The following FANCD2 variants were observed in gnomAD, a reference collection of about 807,000 sequenced individuals.
The protein encoded by FANCD2 is Fanconi anemia group D2 protein.
FANCD2 carries 131 observed loss-of-function variants against 192.3 expected under a neutral mutation model. The observed-to-expected ratio is 0.68, with a 90% CI of 0.59 to 0.79. The LOEUF is 0.79. FANCD2 is among the 30% of genes least tolerant of loss of function. The probability of loss-of-function intolerance (pLI) is 0.00; values close to 1 mark genes in which losing one functional copy is unlikely to be tolerated. For missense variants in FANCD2, 1,508 were observed against 1,701.6 expected, an observed-to-expected ratio of 0.89 and a Z score of 2.00; for synonymous variants, 524 against 612.5, an observed-to-expected ratio of 0.86 and a Z score of 2.13.
intron 34 of FANCD2, among the ~76,000 whole-genome samples, 155 bp downstream of exon 34, chr3:10,087,419 C>T (rs974402700): frequency 6.6e-6 from 1 of 151,282 alleles, no homozygotes; most frequent in Admixed American, 6.6e-5. Flanking sequence ...GTCATTTTCC[C>T]AGAACAACCT....
chr3:10,031,929 C>T (rs975763764), intron 2 of FANCD2, among the ~76,000 whole-genome samples: 1 of 152,168 alleles, frequency 6.6e-6, no homozygotes, highest in Admixed American at 6.5e-5. Context: ...TCACTGCAAC[C>T]TCTGCCTCCC....
At chr3:10,066,341 A>C (rs2125037755) in intron 25 of FANCD2, among the ~76,000 whole-genome samples, 1 of 152,308 alleles carries the variant, frequency 6.6e-6, no homozygotes, top group South Asian at 2.1e-4. Flanking sequence ...GTTTGGTGAT[A>C]ATGACAATGA....
intron 38 of FANCD2, among the ~76,000 whole-genome samples, chr3:10,092,960 G>A (rs1214790586): frequency 3.9e-5 from 6 of 151,980 alleles, no homozygotes; most frequent in African/African-American, 1.2e-4. Flanking sequence ...CCAAAATGCT[G>A]GGATATCAGG....
intron 26 of FANCD2, among the ~76,000 whole-genome samples, chr3:10,068,061 C>G (rs2087769680): frequency 6.6e-6 from 1 of 152,100 alleles, no homozygotes; most frequent in Non-Finnish European, 1.5e-5. Flanking sequence ...AGCCTTTCCT[C>G]TAAGATCTGA....
chr3:10,074,721 T>A (rs199989284), intron 29 of FANCD2, 48 bp downstream of exon 29: 3 of 1,575,372 alleles, frequency 1.9e-6, no homozygotes, highest in Non-Finnish European at 2.6e-6. Flanking sequence ...TTCAGAAAGT[T>A]CCTCAGGTCT....
intron 8 of FANCD2, 35 bp downstream of exon 8, chr3:10,039,392 A>T (rs1380122482): frequency 1.3e-6 from 2 of 1,521,312 alleles, no homozygotes; most frequent in Admixed American, 3.3e-5. Flanking sequence ...GAATTTAAAG[A>T]GTATGTTTCT....
chr3:10,033,678 A>G (rs2086656237), intron 3 of FANCD2, among the ~76,000 whole-genome samples: 1 of 139,844 alleles, frequency 7.2e-6, no homozygotes, highest in African/African-American at 2.6e-5. Flanking sequence ...CTTAGTGGCT[A>G]TCTGCTATCA....
intron 26 of FANCD2, among the ~76,000 whole-genome samples, chr3:10,068,121 A>G (rs2087772097): frequency 6.6e-6 from 1 of 152,190 alleles, no homozygotes; most frequent in Non-Finnish European, 1.5e-5. Flanking sequence ...AAAATACAGT[A>G]TTGGAAGTCC....
Position 10,026,464 on chromosome 3 carries a change from C to A in FANCD2, c.-43C>A. The A allele has an allele frequency of 2.2e-6, 1 of 464,900 alleles. No individual in the cohort carries two copies. The highest frequency in any genetic ancestry group is 2.9e-6 in the Non-Finnish European group (1 of 350,676). 28.8% of individuals were successfully genotyped at this position (464,900 alleles called of 1,614,324 possible). On this transcript the variant is annotated 5_prime_UTR_variant, in exon 1 of 44. Transcript: ENST00000675286. ...GAAAGTCGAAAACTACGGGCGGCGA[C>A]GGCTTCTCGGTGAGTAAGTGGAGCA...
intron 37 of FANCD2, among the ~76,000 whole-genome samples, 180 bp downstream of exon 37, chr3:10,090,565 TCTC>T (rs1184074957): frequency 6.7e-6 from 1 of 150,056 alleles, no homozygotes; most frequent in Admixed American, 6.7e-5. Flanking sequence ...TTCAAGCAAT[TCTC>T]CTGCCTCAGA....
chr3:10,085,391 TTTC>T (rs1344979761), intron 32 of FANCD2, among the ~76,000 whole-genome samples: 21 of 150,572 alleles, frequency 1.4e-4, no homozygotes, highest in African/African-American at 4.4e-4. Context: ...TTCTTTTTTC[TTTC>T]TTTTTTTTTT....
intron 39 of FANCD2, among the ~76,000 whole-genome samples, chr3:10,093,612 C>A (rs1283594623): frequency 6.6e-6 from 1 of 152,104 alleles, no homozygotes; most frequent in African/African-American, 2.4e-5. Context: ...CCATTCCTTA[C>A]CAGGCAAAAG....
chr3:10,044,652 T>A (rs143664007), intron 14 of FANCD2, among the ~76,000 whole-genome samples: 29,626 of 151,600 alleles, frequency 0.2, 3,388 homozygotes, highest in African/African-American at 0.32. Context: ...AGATTTTTCT[T>A]TGGTTGGAAT....
chr3:10,087,710 C>T (rs1224421160), intron 34 of FANCD2, among the ~76,000 whole-genome samples: 1 of 151,758 alleles, frequency 6.6e-6, no homozygotes, highest in Non-Finnish European at 1.5e-5. Context: ...TGCAGTGGTG[C>T]GATGTTGGCT....
At chr3:10,043,968 C>G (rs1186348175) in intron 14 of FANCD2, 104 bp downstream of exon 14, 1 of 935,750 alleles carries the variant, frequency 1.1e-6, no homozygotes, top group African/African-American at 1.6e-5. Context: ...TCCAGTCACT[C>G]TTCTCTCTCT....
At chr3:10,070,454 GA>G (rs1559392946) in intron 26 of FANCD2, among the ~76,000 whole-genome samples, 4 of 49,598 alleles carry the variant, frequency 8.1e-5, no homozygotes, top group East Asian at 8.5e-4. Context: ...CCCCTACTGG[GA>G]AGTGAGGAGC....
chr3:10,034,418 A>G (rs2086679365), intron 3 of FANCD2, 51 bp from the exon 4 acceptor site: 3 of 1,337,960 alleles, frequency 2.2e-6, no homozygotes, highest in South Asian at 1.2e-5. Context: ...TTTTTAGAGA[A>G]GGAAAACTAT....
intron 42 of FANCD2, among the ~76,000 whole-genome samples, chr3:10,098,477 T>TA (rs1695110010): frequency 6.6e-6 from 1 of 151,962 alleles, no homozygotes. Flanking sequence ...TGTAGTGTGA[T>TA]ACTAGCATAC....
At chr3:10,070,657 G>A (rs1020591120) in intron 26 of FANCD2, among the ~76,000 whole-genome samples, 2 of 144,910 alleles carry the variant, frequency 1.4e-5, no homozygotes, top group Admixed American at 7.0e-5. Flanking sequence ...AACAGGCCGG[G>A]ATGACAATGG....
Sources: allele counts gnomAD v4.1 joint callset (sites outside exome capture counted in the v4.1 genomes callset), GRCh38; gene constraint gnomAD v4.1.1; transcripts MANE v1.5; gene names NCBI Gene and HGNC (gene_info 2026-07-23, HGNC 2026-07-21).